Variants in ZBTB16 observed in about 807,000 individuals in gnomAD.
The protein encoded by ZBTB16 is zinc finger and BTB domain containing 16, also known as zinc finger and BTB domain-containing protein 16.
In ZBTB16, 8 loss-of-function variants were observed where a neutral mutation model predicts 56.8. The observed-to-expected ratio is 0.14, with a 90% confidence interval of 0.08 to 0.25. The LOEUF is 0.25. Among genes scored for constraint, ZBTB16 ranks in the 10% least tolerant of loss-of-function variants. The probability of loss-of-function intolerance (pLI) is 1.00; values close to 1 mark genes in which losing one functional copy is unlikely to be tolerated. For synonymous variants in ZBTB16, 363 were observed against 368.5 expected, an observed-to-expected ratio of 0.98 and a Z score of 0.17; for missense variants, 625 against 903.0, an observed-to-expected ratio of 0.69 and a Z score of 3.95.
chr11:114,139,626 CGTGTGTGT>C (rs750514241), intron 2 of ZBTB16, among the ~76,000 whole-genome samples: 20 of 138,638 alleles, frequency 1.4e-4, no homozygotes, highest in African/African-American at 3.1e-4. Flanking sequence ...CCGCGGTCCA[CGTGTGTGT>C]GTGTGTGTGT....
chr11:114,103,264 C>T (rs1277601242), intron 2 of ZBTB16, among the ~76,000 whole-genome samples: 1 of 152,076 alleles, frequency 6.6e-6, no homozygotes, highest in Non-Finnish European at 1.5e-5. Flanking sequence ...TAGATGGTGA[C>T]CTGGAATTCA....
chr11:114,113,140 A>G lies in ZBTB16; in HGVS notation c.1269-43197A>G, dbSNP rs74654245. 8.9e-3 allele frequency among the ~76,000 whole-genome samples: 1,362 copies of G among 152,286 alleles called. 19 individuals carry two copies. The highest frequency in any genetic ancestry group is 0.031 in the African/African-American group (1,285 of 41,566). On this transcript the variant is annotated intron_variant, in intron 2 of 6. Transcript: ENST00000335953. ...TGGCTTATGGAAGATACATCTCTGC[A>G]TGTCTAATCTTTCTTAGAGTGTCAT...
intron 3 of ZBTB16, among the ~76,000 whole-genome samples, chr11:114,179,053 G>C (rs1468459932): frequency 6.6e-6 from 1 of 152,176 alleles, no homozygotes; most frequent in Non-Finnish European, 1.5e-5. Flanking sequence ...ATCTTGTAGT[G>C]AGTGAGGCCG....
At chr11:114,104,001 C>T (rs1471156591) in intron 2 of ZBTB16, among the ~76,000 whole-genome samples, 3 of 152,272 alleles carry the variant, frequency 2.0e-5, no homozygotes, top group East Asian at 1.9e-4. Flanking sequence ...CTCATCCTCC[C>T]TCCTTCCTCG....
intron 2 of ZBTB16, among the ~76,000 whole-genome samples, chr11:114,082,500 C>G (rs933343134): frequency 6.6e-6 from 1 of 152,164 alleles, no homozygotes; most frequent in East Asian, 1.9e-4. Context: ...GAGTTGGAGC[C>G]TTGGAAGGCA....
In ZBTB16 at chr11:114,114,550, C is replaced by A. The variant is rs1194775226; in HGVS notation, c.1269-41787C>A. Among the ~76,000 whole-genome samples, 3 of 152,228 alleles carry A rather than the reference C, an allele frequency of 2.0e-5. No individual in the cohort carries two copies. The East Asian group carries it at 5.8e-4, about 29-fold the overall frequency. On this transcript the variant is annotated intron_variant, in intron 2 of 6. Coordinates refer to ENST00000335953, the MANE Select transcript of ZBTB16 (RefSeq NM_006006.6). ...TTCAGTTCTTATCAAAAAGTTCTTT[C>A]CAGGAACAGAACATACTTTTCATTA...
intron 4 of ZBTB16, among the ~76,000 whole-genome samples, chr11:114,197,258 C>T (rs933309274): frequency 1.3e-5 from 2 of 152,176 alleles, no homozygotes; most frequent in Non-Finnish European, 2.9e-5. Flanking sequence ...ACTGTGTTGT[C>T]GGCTGCAAGA....
rs191374815 is a variant in ZBTB16 at position 114,141,991 on chromosome 11, C to T, written c.1269-14346C>T. 2.5e-3 allele frequency among the ~76,000 whole-genome samples: 378 copies of T among 152,314 alleles called. 3 individuals are homozygous for T. The highest frequency in any genetic ancestry group is 2.5e-3 in the South Asian group (12 of 4,818). The stretch of plus-strand genomic sequence containing the variant: ...TGTTGGTATTACAGTTATCACTTTT[C>T]GTGTCTCTGACATCATTTTAGCACC... On this transcript the variant is annotated intron_variant, in intron 2 of 6. Coordinates refer to ENST00000335953, the MANE Select transcript of ZBTB16 (RefSeq NM_006006.6).
intron 2 of ZBTB16, among the ~76,000 whole-genome samples, chr11:114,134,495 T>C (rs1040634054): frequency 6.6e-6 from 1 of 152,218 alleles, no homozygotes; most frequent in Non-Finnish European, 1.5e-5. Flanking sequence ...AAAGGGCTAG[T>C]TATTATTTTT....
chr11:114,069,628 T>C (rs1939255129), intron 2 of ZBTB16, among the ~76,000 whole-genome samples: 1 of 152,248 alleles, frequency 6.6e-6, no homozygotes, highest in Non-Finnish European at 1.5e-5. Context: ...TGGTTTAGGC[T>C]ACTTTTGGGA....
intron 3 of ZBTB16, among the ~76,000 whole-genome samples, chr11:114,181,794 A>C (rs1373764052): frequency 2.0e-5 from 3 of 151,010 alleles, no homozygotes; most frequent in Non-Finnish European, 4.4e-5. Context: ...ATCTTCTGCT[A>C]TTCTCCCTCT....
At chr11:114,231,873 C>A (rs1384503940) in intron 4 of ZBTB16, among the ~76,000 whole-genome samples, 2 of 152,176 alleles carry the variant, frequency 1.3e-5, no homozygotes, top group African/African-American at 4.8e-5. Context: ...TGGAGAAAAA[C>A]CCTTTAAGGA....
intron 3 of ZBTB16, among the ~76,000 whole-genome samples, chr11:114,162,722 T>G (rs1942624884): frequency 6.6e-6 from 1 of 152,112 alleles, no homozygotes; most frequent in Non-Finnish European, 1.5e-5. Context: ...GGGGGCGCCT[T>G]TGGTTTTTGG....
intron 2 of ZBTB16, among the ~76,000 whole-genome samples, chr11:114,125,437 G>A (rs1022576760): frequency 1.3e-5 from 2 of 152,154 alleles, no homozygotes; most frequent in Admixed American, 6.5e-5. Context: ...TTAGAGGTGA[G>A]AAAGCTGTGG....
At chr11:114,229,610 C>T (rs891504344) in intron 4 of ZBTB16, among the ~76,000 whole-genome samples, 11 of 152,192 alleles carry the variant, frequency 7.2e-5, no homozygotes, top group East Asian at 3.8e-4. Flanking sequence ...AAAGGAAATT[C>T]GTAGCTACGT....
At chr11:114,233,081 G>GCACACACACACACACACA (rs1198148768) in intron 4 of ZBTB16, among the ~76,000 whole-genome samples, 1 of 87,478 alleles carries the variant, frequency 1.1e-5, no homozygotes, top group African/African-American at 4.4e-5. Context: ...GCGCGCGCGC[G>GCACACACACACACACACA]CACACACACA....
intron 4 of ZBTB16, among the ~76,000 whole-genome samples, chr11:114,233,957 G>A (rs1036349186): frequency 6.6e-6 from 1 of 152,178 alleles, no homozygotes; most frequent in Non-Finnish European, 1.5e-5. Flanking sequence ...AAAGTTGTAT[G>A]TGTGCATATG....
At chr11:114,154,621 T>C (rs1942360164) in intron 2 of ZBTB16, among the ~76,000 whole-genome samples, 1 of 152,234 alleles carries the variant, frequency 6.6e-6, no homozygotes, top group African/African-American at 2.4e-5. Context: ...GAGTTAAGAA[T>C]GTTCAGTTAA....
rs149080873 is a variant in ZBTB16 at position 114,154,796 on chromosome 11, A to T, written c.1269-1541A>T. Among the ~76,000 whole-genome samples, 5 of 152,274 alleles carry T rather than the reference A, an allele frequency of 3.3e-5. No homozygotes were observed. The East Asian group carries it at 9.6e-4, about 29-fold the overall frequency. ...TGTCTTTGGCAAGTGGGGAAAGGGA[A>T]AGCATGCAAACAAAACAATGTGATT... On this transcript the variant is annotated intron_variant, in intron 2 of 6. Coordinates refer to ENST00000335953, the MANE Select transcript of ZBTB16 (RefSeq NM_006006.6).
Sources: gnomAD v4.1 joint callset for allele counts (sites outside exome capture counted in the v4.1 genomes callset) on GRCh38, gnomAD v4.1.1 for gene constraint, MANE v1.5 for transcripts, NCBI Gene and HGNC (gene_info 2026-07-23, HGNC 2026-07-21) for gene names.